The following CDH8 variants were observed in gnomAD, a reference collection of about 807,000 sequenced individuals.
CDH8 encodes the protein cadherin 8, also known as cadherin-8.
Under a neutral mutation model 68.1 loss-of-function variants are expected in CDH8, and 17 were observed. That is an observed-to-expected ratio of 0.25 (90% confidence interval 0.17 to 0.37). CDH8 has a LOEUF of 0.37. Among genes scored for constraint, CDH8 ranks in the 10% least tolerant of loss-of-function variants. The pLI, the probability that CDH8 is intolerant of heterozygous loss-of-function variation, is 1.00. For synonymous variants in CDH8, 372 were observed against 365.1 expected, an observed-to-expected ratio of 1.02 and a Z score of -0.21; for missense variants, 763 against 999.3, an observed-to-expected ratio of 0.76 and a Z score of 3.19.
chr16:61,916,682 T>C (rs564169067), intron 2 of CDH8, among the ~76,000 whole-genome samples: 16 of 152,230 alleles, frequency 1.1e-4, no homozygotes, highest in African/African-American at 3.6e-4. Flanking sequence ...CTAACACAGA[T>C]ACTAATAGAT....
At chr16:61,655,165 T>C (rs907714112) in intron 11 of CDH8, among the ~76,000 whole-genome samples, 2 of 152,190 alleles carry the variant, frequency 1.3e-5, no homozygotes, top group Non-Finnish European at 2.9e-5. Flanking sequence ...GTTCTTCTTA[T>C]GCACTAGATG....
chr16:61,680,839 A>G (rs1963999755), intron 10 of CDH8, among the ~76,000 whole-genome samples: 1 of 151,934 alleles, frequency 6.6e-6, no homozygotes, highest in African/African-American at 2.4e-5. Context: ...ACAAAGCTGT[A>G]TATTAATAAA....
At chr16:61,935,013 C>T (rs76018977) in intron 2 of CDH8, among the ~76,000 whole-genome samples, 5,724 of 152,248 alleles carry the variant, frequency 0.038, 368 homozygotes, top group African/African-American at 0.13. Flanking sequence ...CTAATATTAA[C>T]TATCCCATCA....
At position 61,713,978 on chromosome 16, in the gene CDH8, G is replaced by A. The variant is rs375970922; in HGVS notation, c.1537-20C>T. ...AATGACCTGAAACATAAAACTTGAC[G>A]TCAGCATTTCTGATGATTTCAGAGG... On this transcript the variant is annotated intron_variant, in intron 9 of 11. Coordinates refer to ENST00000577390, the MANE Select transcript of CDH8 (RefSeq NM_001796.5). 1.4e-5 allele frequency: 20 copies of A among 1,414,686 alleles called. No individual in the cohort carries two copies. The highest frequency in any genetic ancestry group is 3.4e-5 in the Admixed American group (2 of 59,514). 87.6% of individuals were successfully genotyped at this position (1,414,686 alleles called of 1,614,324 possible). A position where few individuals can be genotyped will look rare whatever the true frequency, so the allele number is the denominator to read the frequency against.
intron 8 of CDH8, among the ~76,000 whole-genome samples, chr16:61,773,147 C>T (rs1012071979): frequency 1.3e-5 from 2 of 152,034 alleles, no homozygotes; most frequent in African/African-American, 4.8e-5. Flanking sequence ...AGTTTTTCTT[C>T]TCTTGATAAA....
chr16:61,735,765 T>C (rs1959661336), intron 8 of CDH8, among the ~76,000 whole-genome samples: 1 of 151,992 alleles, frequency 6.6e-6, no homozygotes, highest in African/African-American at 2.4e-5. Flanking sequence ...TTAGGAAAAG[T>C]ACTTTACTTT....
At chr16:61,981,162 C>T (rs1965522658) in intron 2 of CDH8, among the ~76,000 whole-genome samples, 1 of 152,116 alleles carries the variant, frequency 6.6e-6, no homozygotes, top group Non-Finnish European at 1.5e-5. Context: ...TTCCTCTTGG[C>T]AACAGAACCA....
chr16:61,765,310 A>G (rs1960561183), intron 8 of CDH8, among the ~76,000 whole-genome samples: 1 of 152,034 alleles, frequency 6.6e-6, no homozygotes, highest in Non-Finnish European at 1.5e-5. Context: ...TGATCTTCAA[A>G]TACTTTAGGC....
At chr16:61,730,060 C>T in intron 8 of CDH8, among the ~76,000 whole-genome samples, 2 of 151,316 alleles carry the variant, frequency 1.3e-5, no homozygotes, top group South Asian at 4.1e-4. Flanking sequence ...ATTTTCTTCC[C>T]ACTCTTTTGG....
At chr16:61,966,602 T>G (rs766731868) in intron 2 of CDH8, among the ~76,000 whole-genome samples, 2 of 150,980 alleles carry the variant, frequency 1.3e-5, no homozygotes, top group Non-Finnish European at 3.0e-5. Context: ...ACACACAGAG[T>G]AGTTCCCTAA....
intron 2 of CDH8, among the ~76,000 whole-genome samples, chr16:61,923,254 C>T (rs1475231491): frequency 1.3e-5 from 2 of 152,136 alleles, no homozygotes; most frequent in African/African-American, 2.4e-5. Context: ...AGAACACAGG[C>T]GTCTTCATTC....
intron 2 of CDH8, among the ~76,000 whole-genome samples, chr16:62,019,596 C>T (rs1172714704): frequency 6.6e-6 from 1 of 152,124 alleles, no homozygotes; most frequent in Admixed American, 6.6e-5. Context: ...ACCACATTAA[C>T]ATTTTTTGCA....
At position 61,857,251 on chromosome 16, in the gene CDH8, A is replaced by G. The variant is rs756916399; in HGVS notation, c.548-13T>C. 6.2e-7 allele frequency: 1 copy of G among 1,606,680 alleles called. No homozygotes were observed. The highest frequency in any genetic ancestry group is 1.1e-5 in the South Asian group (1 of 90,500). On this transcript the variant is annotated splice_polypyrimidine_tract_variant and intron_variant, in intron 3 of 11. Coordinates refer to ENST00000577390, the MANE Select transcript of CDH8 (RefSeq NM_001796.5). The stretch of plus-strand genomic sequence containing the variant: ...GTGACAGATGTACCTAATAAAATAG[A>G]GAAAGAAAAAAGATAATAATTAACA...
chr16:61,703,488 C>T (rs1490177001), intron 10 of CDH8, among the ~76,000 whole-genome samples: 1 of 152,170 alleles, frequency 6.6e-6, no homozygotes, highest in Non-Finnish European at 1.5e-5. Flanking sequence ...ATATATGTTT[C>T]AAAACATGGC....
chr16:61,899,408 TG>T (rs1567519388), intron 3 of CDH8, among the ~76,000 whole-genome samples: 6 of 152,016 alleles, frequency 3.9e-5, no homozygotes, highest in African/African-American at 1.5e-4. Context: ...GCAAGGCATA[TG>T]ATTTTACGGC....
chr16:61,988,917 T>A (rs532449860), intron 2 of CDH8, among the ~76,000 whole-genome samples: 2 of 152,144 alleles, frequency 1.3e-5, no homozygotes, highest in Non-Finnish European at 2.9e-5. Context: ...ACGAGATCAC[T>A]GCATCAATAT....
intron 8 of CDH8, among the ~76,000 whole-genome samples, chr16:61,751,378 T>C: frequency 4.1e-5 from 3 of 72,868 alleles, no homozygotes; most frequent in East Asian, 4.4e-4. Context: ...TTCCATATTC[T>C]CCTTAAAAAA....
chr16:61,887,163 G>A (rs1328273590), intron 3 of CDH8, among the ~76,000 whole-genome samples: 1 of 151,984 alleles, frequency 6.6e-6, no homozygotes, highest in African/African-American at 2.4e-5. Flanking sequence ...ATAGGAGTAG[G>A]AGGACCAATT....
intron 8 of CDH8, among the ~76,000 whole-genome samples, chr16:61,776,988 C>A (rs1240914643): frequency 6.6e-6 from 1 of 151,976 alleles, no homozygotes; most frequent in Non-Finnish European, 1.5e-5. Context: ...TTATAGATAG[C>A]AAAACTAAGC....
Sources: gnomAD v4.1 joint callset for allele counts (sites outside exome capture counted in the v4.1 genomes callset) on GRCh38, gnomAD v4.1.1 for gene constraint, MANE v1.5 for transcripts, NCBI Gene and HGNC (gene_info 2026-07-23, HGNC 2026-07-21) for gene names.